CREB5: variants seen among roughly 807,000 people sequenced by gnomAD.
The protein encoded by CREB5 is cyclic AMP-responsive element-binding protein 5.
In CREB5, 19 loss-of-function variants were observed where a neutral mutation model predicts 57.1. The ratio of observed to expected loss-of-function variants is 0.33; its 90% CI spans 0.23 to 0.49. The LOEUF (loss-of-function observed/expected upper bound fraction) is 0.49, where lower values mean the gene tolerates loss of function less well. Among genes scored for constraint, CREB5 ranks in the 20% least tolerant of loss-of-function variants. The pLI is 0.99. For synonymous variants in CREB5, 238 were observed against 238.3 expected, an observed-to-expected ratio of 1.00 and a Z score of 0.01; for missense variants, 579 against 671.6, an observed-to-expected ratio of 0.86 and a Z score of 1.52.
chr7:28,507,797 C>G, intron 4 of CREB5, 60 bp downstream of exon 4: 1 of 1,543,958 alleles, frequency 6.5e-7, no homozygotes, highest in Non-Finnish European at 8.8e-7. Flanking sequence ...CACGAGGAAA[C>G]TAGGTGGCAC....
At chr7:28,568,384 G>T (rs12700892) in intron 4 of CREB5, among the ~76,000 whole-genome samples, 33,517 of 152,024 alleles carry the variant, frequency 0.22, 4,117 homozygotes, top group East Asian at 0.42. Flanking sequence ...AAGTGTCTTT[G>T]AACTTAAACA....
intron 1 of CREB5, among the ~76,000 whole-genome samples, chr7:28,329,994 C>T (rs1018804870): frequency 2.6e-5 from 4 of 152,220 alleles, no homozygotes; most frequent in Non-Finnish European, 5.9e-5. Context: ...ACCAGTTCAT[C>T]CACTCTGGCA....
intron 5 of CREB5, among the ~76,000 whole-genome samples, chr7:28,674,235 G>T (rs1211416614): frequency 1.3e-5 from 2 of 152,160 alleles, no homozygotes; most frequent in Non-Finnish European, 2.9e-5. Context: ...TTTGCAGGAA[G>T]GTGTTAGGTA....
At chr7:28,817,202 T>TAATTC (rs1376903365) in intron 9 of CREB5, among the ~76,000 whole-genome samples, 1 of 152,118 alleles carries the variant, frequency 6.6e-6, no homozygotes, top group Non-Finnish European at 1.5e-5. Flanking sequence ...TCAATCAAAT[T>TAATTC]AATTCAATCA....
At chr7:28,333,132 G>C (rs1471341936) in intron 1 of CREB5, among the ~76,000 whole-genome samples, 1 of 152,164 alleles carries the variant, frequency 6.6e-6, no homozygotes, top group African/African-American at 2.4e-5. Flanking sequence ...CTCCTAACTT[G>C]TGTTTAAATA....
upstream of CREB5, among the ~76,000 whole-genome samples, chr7:28,412,107 G>A (rs1049211387): frequency 4.8e-4 from 73 of 152,334 alleles, no homozygotes; most frequent in Non-Finnish European, 9.4e-4. Flanking sequence ...CTCATTAGTG[G>A]AAGGGGAAAA....
chr7:28,489,223 T>C (rs1583528201), intron 2 of CREB5, among the ~76,000 whole-genome samples: 1 of 151,572 alleles, frequency 6.6e-6, no homozygotes, highest in East Asian at 1.9e-4. Context: ...TGTGGTGGGG[T>C]TGGCAGTAGA....
intron 7 of CREB5, among the ~76,000 whole-genome samples, chr7:28,745,865 T>G (rs1804658786): frequency 6.6e-6 from 1 of 152,202 alleles, no homozygotes. Flanking sequence ...CTAGGACACC[T>G]AAGTCCCAGG....
At chr7:28,700,614 G>A (rs1801805143) in intron 5 of CREB5, among the ~76,000 whole-genome samples, 1 of 152,188 alleles carries the variant, frequency 6.6e-6, no homozygotes, top group Admixed American at 6.5e-5. Context: ...TCGGCCCTCT[G>A]CAGGCTTTCT....
intron 5 of CREB5, among the ~76,000 whole-genome samples, chr7:28,633,002 T>G (rs893289063): frequency 6.6e-6 from 1 of 152,206 alleles, no homozygotes; most frequent in Non-Finnish European, 1.5e-5. Context: ...GATTGAGTGA[T>G]AACAAGAGCT....
At chr7:28,511,353 T>TGGAGGGTGCTCTGTGG in intron 4 of CREB5, among the ~76,000 whole-genome samples, 1 of 151,776 alleles carries the variant, frequency 6.6e-6, no homozygotes, top group Middle Eastern at 3.4e-3. Flanking sequence ...GTGCTCTGTG[T>TGGAGGGTGCTCTGTGG]GTTGGAGGAA....
At chr7:28,326,424 A>G (rs1039383888) in intron 1 of CREB5, among the ~76,000 whole-genome samples, 10 of 152,208 alleles carry the variant, frequency 6.6e-5, no homozygotes, top group Non-Finnish European at 1.0e-4. Context: ...TTGGCCCAGC[A>G]CTGCTGGTTC....
intron 5 of CREB5, among the ~76,000 whole-genome samples, chr7:28,677,120 G>A (rs997885734): frequency 6.6e-6 from 1 of 152,092 alleles, no homozygotes; most frequent in African/African-American, 2.4e-5. Flanking sequence ...GAGGGGAAAG[G>A]AAATCACAGC....
chr7:28,652,355 T>C (rs1799164661), intron 5 of CREB5, among the ~76,000 whole-genome samples: 1 of 152,238 alleles, frequency 6.6e-6, no homozygotes, highest in African/African-American at 2.4e-5. Flanking sequence ...TTTCACACTA[T>C]GGTTTTAAAG....
intron 5 of CREB5, among the ~76,000 whole-genome samples, chr7:28,620,346 A>G (rs1248809628): frequency 6.6e-6 from 1 of 152,128 alleles, no homozygotes; most frequent in Non-Finnish European, 1.5e-5. Flanking sequence ...TCCATTTGGA[A>G]GAGGGGGGTG....
intron 4 of CREB5, among the ~76,000 whole-genome samples, chr7:28,560,841 T>TGCGTGCGCGCGTGTGCGTGC (rs1562797105): frequency 1.3e-5 from 1 of 75,062 alleles, no homozygotes; most frequent in Admixed American, 1.2e-4. Flanking sequence ...CGCGTGTGTG[T>TGCGTGCGCGCGTGTGCGTGC]GTGCGCGTGT....
intron 10 of CREB5, 144 bp downstream of exon 10, chr7:28,818,323 C>T: frequency 1.6e-6 from 1 of 625,354 alleles, no homozygotes. Flanking sequence ...GGCTTCCAGA[C>T]TATTCTTCCA....
chr7:28,809,264 G>A lies in CREB5; in HGVS notation c.1104G>A (p.Arg368=), dbSNP rs1808950207. The A allele has an allele frequency of 1.2e-6, 2 of 1,614,194 alleles. No individual in the cohort carries two copies. Among genetic ancestry groups the A allele is most frequent in the East Asian group, 2.2e-5 (1 of 44,870 alleles). Residue 368 remains arginine (R), a synonymous_variant, in exon 9 of 11, where the codon AGG becomes AGA. Coordinates refer to ENST00000357727, the MANE Select transcript of CREB5 (RefSeq NM_182898.4). The part of the protein sequence containing the change: ...PPQPTGGRRR[R]VVDEDPDERR... ...AGCCCACAGGGGGGCGCCGGCGAAG[G>A]GTGGTAGACGAGGATCCGGACGAGA...
intron 1 of CREB5, among the ~76,000 whole-genome samples, chr7:28,308,153 C>T (rs147018824): frequency 1.0e-3 from 153 of 152,236 alleles, no homozygotes; most frequent in African/African-American, 3.4e-3. Flanking sequence ...AACATGAGTC[C>T]GTTTCCTAAG....
Sources: gnomAD v4.1 joint callset for allele counts (sites outside exome capture counted in the v4.1 genomes callset) on GRCh38, gnomAD v4.1.1 for gene constraint, MANE v1.5 for transcripts, NCBI Gene and HGNC (gene_info 2026-07-23, HGNC 2026-07-21) for gene names.